NAMPT: variants seen among roughly 807,000 people sequenced by gnomAD.
The protein encoded by NAMPT is nicotinamide phosphoribosyltransferase, also known as NAmPRTase.
In NAMPT, 7 loss-of-function variants were observed where a neutral mutation model predicts 58.7. That is an observed-to-expected ratio of 0.12 (90% CI 0.07 to 0.22). The LOEUF is 0.22. Among genes scored for constraint, NAMPT ranks in the 10% least tolerant of loss-of-function variants. The probability of loss-of-function intolerance (pLI) is 1.00; values close to 1 mark genes in which losing one functional copy is unlikely to be tolerated. For synonymous variants in NAMPT, 145 were observed against 198.1 expected (o/e 0.73, Z 2.25); for missense variants, 271 against 567.9 (o/e 0.48, Z 5.31).
intron 4 of NAMPT, chr7:106,272,096 T>G (rs753795015): frequency 2.6e-6 from 1 of 389,500 alleles, no homozygotes; most frequent in Non-Finnish European, 5.1e-6. Context: ...TGGTAGATCC[T>G]AAGACCTAAA....
intron 8 of NAMPT, among the ~76,000 whole-genome samples, chr7:106,258,330 A>T (rs1407614307): frequency 6.6e-6 from 1 of 152,246 alleles, no homozygotes; most frequent in Non-Finnish European, 1.5e-5. Context: ...GAAAACTACT[A>T]TAATTTGGGT....
chr7:106,284,764 C>G, intron 1 of NAMPT, 64 bp downstream of exon 1: 6 of 1,402,520 alleles, frequency 4.3e-6, no homozygotes, highest in Non-Finnish European at 5.7e-6. Context: ...CCCCCGCCCC[C>G]CTGCCGCGCG....
At chr7:106,258,056 T>TC (rs1442642894) in intron 8 of NAMPT, among the ~76,000 whole-genome samples, 1 of 152,186 alleles carries the variant, frequency 6.6e-6, no homozygotes, top group Non-Finnish European at 1.5e-5. Flanking sequence ...TGTAAGGTCC[T>TC]CCCCCTTCTC....
intron 2 of NAMPT, chr7:106,275,614 T>TAATC (rs1346423593): frequency 2.0e-5 from 3 of 152,248 alleles, no homozygotes; most frequent in African/African-American, 7.2e-5. Context: ...CTAGAATAGG[T>TAATC]AATCAATACA....
chr7:106,264,987 C>T (rs1048556585), intron 6 of NAMPT, among the ~76,000 whole-genome samples: 2 of 151,796 alleles, frequency 1.3e-5, no homozygotes, highest in African/African-American at 2.4e-5. Context: ...GACTACTACC[C>T]GAATCCAAAA....
intron 1 of NAMPT, among the ~76,000 whole-genome samples, chr7:106,282,312 T>A (rs1456558429): frequency 6.6e-6 from 1 of 152,210 alleles, no homozygotes; most frequent in Non-Finnish European, 1.5e-5. Flanking sequence ...CTGTCCCTCC[T>A]GGATTTCAAA....
rs537261732 is a variant in NAMPT, at chr7:106,269,544, A to G, written c.448-232T>C. 2.0e-5 allele frequency among the ~76,000 whole-genome samples: 3 copies of G among 152,342 alleles called. No homozygotes were observed. In the South Asian group the frequency reaches 6.2e-4, roughly 32 times the overall value. ...GCACACCAGGTCCACATAGCAGAGA[A>G]CTTCACATTATCAAGTTTCTATCCA... On this transcript the variant is annotated intron_variant, in intron 4 of 10. Coordinates refer to ENST00000222553, the MANE Select transcript of NAMPT (RefSeq NM_005746.3).
intron 1 of NAMPT, among the ~76,000 whole-genome samples, chr7:106,282,314 G>C (rs1054564398): frequency 2.6e-5 from 4 of 151,946 alleles, no homozygotes; most frequent in Non-Finnish European, 5.9e-5. Flanking sequence ...GTCCCTCCTG[G>C]ATTTCAAAAT....
Position 106,248,615 on chromosome 7 carries a change from A to G in NAMPT, c.*2468T>C, listed in dbSNP as rs1266200083. On this transcript the variant is annotated 3_prime_UTR_variant, in exon 11 of 11. Coordinates refer to ENST00000222553, the MANE Select transcript of NAMPT (RefSeq NM_005746.3). ...TTACTTTAATTATAGGGTACAAATA[A>G]GAGTCTTAACACAGAAATCCTACCT... 6.6e-6 allele frequency: 1 copy of G among 152,170 alleles called. No homozygotes were observed. Among genetic ancestry groups the G allele is most frequent in the African/African-American group, 2.4e-5 (1 of 41,460 alleles). 9.4% of individuals were successfully genotyped at this position (152,170 alleles called of 1,614,324 possible).
intron 3 of NAMPT, among the ~76,000 whole-genome samples, chr7:106,273,363 A>G (rs950003528): frequency 1.3e-5 from 2 of 152,236 alleles, no homozygotes; most frequent in Non-Finnish European, 2.9e-5. Context: ...ACTTTTCACT[A>G]GGAAGGCAAG....
intron 6 of NAMPT, among the ~76,000 whole-genome samples, chr7:106,264,089 G>GT (rs990822265): frequency 1.3e-5 from 2 of 151,784 alleles, no homozygotes; most frequent in East Asian, 1.9e-4. Context: ...CATACATTTT[G>GT]TTTTTTTACC....
intron 10 of NAMPT, among the ~76,000 whole-genome samples, chr7:106,252,697 G>T (rs897010929): frequency 1.4e-4 from 21 of 152,098 alleles, no homozygotes; most frequent in African/African-American, 5.1e-4. Flanking sequence ...CATTTATTAT[G>T]TAATCCAAAT....
rs1243851419 is a variant in NAMPT, at chr7:106,272,539, A to G, written c.438T>C (p.Asn146=). ...NTDPECYWLT[N]WIETILVQSW... is the part of the protein sequence containing the mutation. The stretch of plus-strand genomic sequence containing the variant: ...TAAAAAAACAATTTACCTCAATCCA[A>G]TTTGTAAGCCAGTAACACTCTGGAT... Residue 146 remains asparagine, a synonymous_variant, in exon 4 of 11, where the codon AAT becomes AAC. Coordinates refer to ENST00000222553, the MANE Select transcript of NAMPT (RefSeq NM_005746.3). 4.4e-6 allele frequency: 7 copies of G among 1,609,104 alleles called. No homozygotes were observed. Among genetic ancestry groups the G allele is most frequent in the African/African-American group, 1.3e-5 (1 of 74,620 alleles).
intron 1 of NAMPT, among the ~76,000 whole-genome samples, chr7:106,283,776 GAC>G (rs1357883592): frequency 3.3e-5 from 5 of 151,844 alleles, no homozygotes; most frequent in Non-Finnish European, 7.4e-5. Flanking sequence ...GAAAAAAACA[GAC>G]AAAACTTAAG....
chr7:106,263,365 A>G (rs749472631), intron 7 of NAMPT, 27 bp downstream of exon 7: 1 of 1,507,488 alleles, frequency 6.6e-7, no homozygotes, highest in Non-Finnish European at 9.2e-7. Flanking sequence ...AGGGATTCTA[A>G]TAATAAAGTT....
chr7:106,272,654 T>C lies in NAMPT; in HGVS notation c.323A>G (p.Tyr108Cys). Residue 108 changes from tyrosine (Y) to cysteine (C), a missense_variant, in exon 4 of 11, where the codon TAT becomes TGT. Tyr to Cys is a radical substitution (Grantham distance 194, BLOSUM62 -2). This residue lies in a region of NAMPT where 103 missense variants were observed against 194.2 expected (regional missense o/e 0.53). Coordinates refer to ENST00000222553, the MANE Select transcript of NAMPT (RefSeq NM_005746.3). The part of the protein sequence containing the change: ...EKGWNYILEK[Y>C]DGHLPIEIKA... Reference sequence around the variant, plus strand: ...TATTTCTATTGGAAGATGCCCATCATACTTCTGGCAGGATAAAATGATAAA... The same window carrying C: ...TATTTCTATTGGAAGATGCCCATCACACTTCTGGCAGGATAAAATGATAAA... The C allele has an allele frequency of 6.2e-7, 1 of 1,613,088 alleles. No individual in the cohort carries two copies. The highest frequency in any genetic ancestry group is 8.5e-7 in the Non-Finnish European group (1 of 1,179,316).
chr7:106,251,248 T>A (rs1213424494), intron 10 of NAMPT, 55 bp from the exon 11 acceptor site: 2 of 1,172,976 alleles, frequency 1.7e-6, no homozygotes, highest in Non-Finnish European at 2.6e-6. Context: ...AATACCTGAA[T>A]CCTGGTTTGA....
At chr7:106,275,384 A>G (rs1337399383) in intron 2 of NAMPT, 1 of 161,170 alleles carries the variant, frequency 6.2e-6, no homozygotes, top group African/African-American at 2.4e-5. Flanking sequence ...AGCTTCTTAC[A>G]TCCAAATGAA....
In NAMPT at chr7:106,248,805, T is replaced by G. The variant is rs892422590; in HGVS notation, c.*2278A>C. On this transcript the variant is annotated 3_prime_UTR_variant, in exon 11 of 11. Transcript: ENST00000222553. ...AGCAGAGTTCTAGTGGACATTCGTGTTAACCGTTTGGTGCTCAGAATGGAG... is the reference window on the plus strand; with the variant it reads ...AGCAGAGTTCTAGTGGACATTCGTGGTAACCGTTTGGTGCTCAGAATGGAG... The G allele has an allele frequency of 1.3e-5, 2 of 152,102 alleles. No homozygotes were observed. Among genetic ancestry groups the G allele is most frequent in the African/African-American group, 4.8e-5 (2 of 41,436 alleles). The allele number at this position is 152,102 out of a possible 1,614,324, so 9.4% of individuals were successfully genotyped here.
Sources: gnomAD v4.1 joint callset for allele counts (sites outside exome capture counted in the v4.1 genomes callset) on GRCh38, gnomAD v4.1.1 for gene constraint, gnomAD v4.1.1 regional missense constraint, MANE v1.5 for transcripts, NCBI Gene and HGNC (gene_info 2026-07-23, HGNC 2026-07-21) for gene names.